RBMS3: variants seen among roughly 807,000 people sequenced by gnomAD.
RBMS3 encodes the protein RNA binding motif single stranded interacting protein 3, also known as RNA-binding motif, single-stranded-interacting protein 3.
In RBMS3, 27 loss-of-function variants were observed where a neutral mutation model predicts 66.8. The observed-to-expected ratio is 0.40, with a 90% CI of 0.30 to 0.56. The LOEUF is 0.56. Ranked by LOEUF, RBMS3 falls within the 20% of genes least tolerant of loss-of-function variation. The pLI, the probability that RBMS3 is intolerant of heterozygous loss-of-function variation, is 0.40. For missense variants in RBMS3, 513 were observed against 549.5 expected (o/e 0.93, Z 0.66); for synonymous variants, 188 against 183.0 (o/e 1.03, Z -0.22).
intron 6 of RBMS3, among the ~76,000 whole-genome samples, chr3:29,853,248 A>G (rs191365002): frequency 1.3e-5 from 2 of 152,170 alleles, no homozygotes; most frequent in East Asian, 3.9e-4. Context: ...CTGCACAACC[A>G]ACCCCCATGA....
chr3:29,490,877 C>A (rs1447988525), intron 3 of RBMS3, among the ~76,000 whole-genome samples: 1 of 152,000 alleles, frequency 6.6e-6, no homozygotes, highest in Non-Finnish European at 1.5e-5. Context: ...AGTCTTGGGT[C>A]AGACAGTTAA....
intron 1 of RBMS3, among the ~76,000 whole-genome samples, chr3:29,380,317 C>T (rs1403724415): frequency 6.6e-6 from 1 of 151,670 alleles, no homozygotes; most frequent in African/African-American, 2.4e-5. Flanking sequence ...ATAACATTAG[C>T]TTATTATAAA....
chr3:29,350,517 G>A (rs570853592), intron 1 of RBMS3, among the ~76,000 whole-genome samples: 2 of 152,046 alleles, frequency 1.3e-5, no homozygotes, highest in African/African-American at 2.4e-5. Flanking sequence ...TTCATGTGAC[G>A]AAATTGCCCT....
At chr3:29,705,089 C>G (rs1363489935) in intron 4 of RBMS3, among the ~76,000 whole-genome samples, 2 of 152,168 alleles carry the variant, frequency 1.3e-5, no homozygotes, top group African/African-American at 4.8e-5. Context: ...TTTTGTTTCA[C>G]CAAATAAAAC....
At chr3:29,660,014 T>C (rs2050473719) in intron 4 of RBMS3, among the ~76,000 whole-genome samples, 1 of 152,206 alleles carries the variant, frequency 6.6e-6, no homozygotes, top group African/African-American at 2.4e-5. Context: ...CAGTAATGTT[T>C]TATCGTTTTT....
chr3:29,540,760 TG>T (rs2045725767), intron 3 of RBMS3, among the ~76,000 whole-genome samples: 2 of 152,086 alleles, frequency 1.3e-5, no homozygotes. Context: ...ATACTCTGAG[TG>T]GTGCTACTGA....
chr3:29,708,921 G>T (rs1463315942), intron 4 of RBMS3, among the ~76,000 whole-genome samples: 2 of 152,134 alleles, frequency 1.3e-5, no homozygotes, highest in Non-Finnish European at 2.9e-5. Flanking sequence ...GAAGCTAGTT[G>T]ACCCAAGGTC....
At chr3:29,326,933 T>C (rs1002393054) in intron 1 of RBMS3, among the ~76,000 whole-genome samples, 11 of 152,138 alleles carry the variant, frequency 7.2e-5, no homozygotes, top group African/African-American at 2.7e-4. Flanking sequence ...GGTTTCACCG[T>C]GTTGGCCAGG....
At chr3:29,681,963 C>T (rs949163178) in intron 4 of RBMS3, among the ~76,000 whole-genome samples, 2 of 152,200 alleles carry the variant, frequency 1.3e-5, no homozygotes, top group Admixed American at 1.3e-4. Flanking sequence ...AAAATTTGCA[C>T]TTCCACCAAC....
intron 1 of RBMS3, among the ~76,000 whole-genome samples, chr3:29,309,837 C>A (rs2034263467): frequency 6.6e-6 from 1 of 151,386 alleles, no homozygotes; most frequent in Non-Finnish European, 1.5e-5. Flanking sequence ...AGCTGGAGGG[C>A]AGGTGAAGAA....
chr3:29,388,110 C>T lies in RBMS3; in HGVS notation c.76-46633C>T, dbSNP rs77496702. On this transcript the variant is annotated intron_variant, in intron 1 of 14. Coordinates refer to ENST00000383767, the MANE Select transcript of RBMS3 (RefSeq NM_001003793.3). ...ACACACACACACACACACACACACA[C>T]ATGTGTGTGTATGTATATATGTGTA... Among the ~76,000 whole-genome samples the T allele has an allele frequency of 2.8e-3, 239 of 86,828 alleles. 1 individual carries two copies. Among genetic ancestry groups the T allele is most frequent in the African/African-American group, 4.0e-3 (108 of 27,078 alleles). 57.0% of individuals were successfully genotyped at this position (86,828 alleles called of 152,430 possible).
intron 4 of RBMS3, among the ~76,000 whole-genome samples, chr3:29,701,291 AAAG>A (rs1483236734): frequency 6.6e-6 from 1 of 152,132 alleles, no homozygotes; most frequent in Non-Finnish European, 1.5e-5. Context: ...AGAAAAAAAA[AAAG>A]AAAAAAAGTT....
At chr3:29,491,430 C>G (rs1255315966) in intron 3 of RBMS3, among the ~76,000 whole-genome samples, 1 of 152,142 alleles carries the variant, frequency 6.6e-6, no homozygotes, top group African/African-American at 2.4e-5. Context: ...TTACATCTCT[C>G]TTTGTTTTTT....
intron 2 of RBMS3, among the ~76,000 whole-genome samples, chr3:29,444,730 C>T (rs1038904873): frequency 1.4e-5 from 2 of 145,132 alleles, no homozygotes; most frequent in African/African-American, 5.0e-5. Flanking sequence ...AAGCTAAAAG[C>T]CATTTGAAGT....
At chr3:29,946,712 A>T (rs1360138245) in intron 12 of RBMS3, among the ~76,000 whole-genome samples, 2 of 151,636 alleles carry the variant, frequency 1.3e-5, no homozygotes, top group African/African-American at 4.8e-5. Flanking sequence ...TCTGAGAGTG[A>T]GTGAGAGAAG....
At chr3:29,343,283 C>T (rs906042943) in intron 1 of RBMS3, among the ~76,000 whole-genome samples, 2 of 151,752 alleles carry the variant, frequency 1.3e-5, no homozygotes, top group African/African-American at 4.8e-5. Context: ...AAAGAAATTT[C>T]TTAAGATATA....
At chr3:29,500,618 A>G (rs1396228316) in intron 3 of RBMS3, among the ~76,000 whole-genome samples, 2 of 152,014 alleles carry the variant, frequency 1.3e-5, no homozygotes, top group Non-Finnish European at 2.9e-5. Flanking sequence ...CATTGCCTAC[A>G]GTATTCAGTA....
At chr3:29,383,505 T>TA (rs530057803) in intron 1 of RBMS3, among the ~76,000 whole-genome samples, 33 of 152,120 alleles carry the variant, frequency 2.2e-4, no homozygotes, top group African/African-American at 4.3e-4. Context: ...CCAAGAAGGG[T>TA]AAAAAAAATC....
chr3:29,693,529 C>CTA (rs764767681), intron 4 of RBMS3, among the ~76,000 whole-genome samples: 27 of 152,150 alleles, frequency 1.8e-4, no homozygotes, highest in Non-Finnish European at 4.0e-4. Context: ...TATTTATTGA[C>CTA]TATGATCTTG....
Sources: allele counts gnomAD v4.1 joint callset (sites outside exome capture counted in the v4.1 genomes callset), GRCh38; gene constraint gnomAD v4.1.1; transcripts MANE v1.5; gene names NCBI Gene and HGNC (gene_info 2026-07-23, HGNC 2026-07-21).